Variants in RXRA observed in about 807,000 individuals in gnomAD.
RXRA encodes the protein retinoid X receptor alpha.
RXRA carries 5 observed loss-of-function variants against 44.5 expected under a neutral mutation model. That is an observed-to-expected ratio of 0.11 (90% CI 0.06 to 0.24). RXRA has a LOEUF of 0.24. Among genes scored for constraint, RXRA ranks in the 10% least tolerant of loss-of-function variants. The pLI is 1.00. For missense variants in RXRA, 412 were observed against 646.5 expected (o/e 0.64, Z 3.93); for synonymous variants, 291 against 271.4 (o/e 1.07, Z -0.71).
chr9:134,379,601 C>G, intron 1 of RXRA: 1 of 985,442 alleles, frequency 1.0e-6, no homozygotes, highest in Non-Finnish European at 1.2e-6. Flanking sequence ...CTCCTGTGCT[C>G]CCTGACAGCC....
chr9:134,335,875 T>A (rs1829994192), intron 1 of RXRA, among the ~76,000 whole-genome samples: 1 of 152,158 alleles, frequency 6.6e-6, no homozygotes, highest in Non-Finnish European at 1.5e-5. Context: ...TGCCCTGTGG[T>A]CCTGCCTTGG....
chr9:134,338,936 C>G (rs571518452), intron 1 of RXRA, among the ~76,000 whole-genome samples: 2 of 152,258 alleles, frequency 1.3e-5, no homozygotes, highest in African/African-American at 4.8e-5. Flanking sequence ...GTCTGCCTGG[C>G]CGCCTTTCTG....
At chr9:134,327,846 G>A (rs1834942272) in intron 1 of RXRA, among the ~76,000 whole-genome samples, 1 of 152,142 alleles carries the variant, frequency 6.6e-6, no homozygotes, top group Non-Finnish European at 1.5e-5. Context: ...GGCAGGCGGT[G>A]GGTTCCAGGT....
At chr9:134,353,806 G>A (rs932911896) in intron 1 of RXRA, among the ~76,000 whole-genome samples, 1 of 152,240 alleles carries the variant, frequency 6.6e-6, no homozygotes, top group Admixed American at 6.5e-5. Context: ...CCTGTTGGGT[G>A]TGTACCTGAC....
chr9:134,338,172 C>T lies in RXRA; in HGVS notation c.28+11513C>T, dbSNP rs548679815. ...GTCAGGAGCCCTGACAGAAGACAAG[C>T]ATGTGGTTCTGCTGCACTGTCCCGG... On this transcript the variant is annotated intron_variant, in intron 1 of 9. Transcript: ENST00000481739. 2.0e-3 allele frequency among the ~76,000 whole-genome samples: 310 copies of T among 152,304 alleles called. 1 individual carries two copies. Among genetic ancestry groups the T allele is most frequent in the African/African-American group, 7.1e-3 (297 of 41,570 alleles).
chr9:134,336,811 C>A (rs932058798), intron 1 of RXRA, among the ~76,000 whole-genome samples: 2 of 152,238 alleles, frequency 1.3e-5, no homozygotes, highest in African/African-American at 4.8e-5. Context: ...CGGGTGAGCC[C>A]GTTCCTTGCA....
chr9:134,329,939 AG>A (rs1484723112), intron 1 of RXRA, among the ~76,000 whole-genome samples: 2 of 152,122 alleles, frequency 1.3e-5, no homozygotes, highest in Non-Finnish European at 2.9e-5. Flanking sequence ...TGCATGTGGC[AG>A]GGGGCTCTGG....
chr9:134,338,230 C>T (rs782071301), intron 1 of RXRA, among the ~76,000 whole-genome samples: 8 of 152,222 alleles, frequency 5.3e-5, no homozygotes, highest in African/African-American at 7.2e-5. Context: ...GCTGGTAGCA[C>T]GGGCAGGTGT....
intron 1 of RXRA, among the ~76,000 whole-genome samples, chr9:134,358,912 C>T (rs888531860): frequency 6.6e-6 from 1 of 152,166 alleles, no homozygotes; most frequent in African/African-American, 2.4e-5. Context: ...GAAGGGCAGG[C>T]GGAGCTCTGG....
At chr9:134,408,801 G>A (rs1295104453) in intron 3 of RXRA, 139 bp from the exon 4 acceptor site, 6 of 788,370 alleles carry the variant, frequency 7.6e-6, no homozygotes, top group African/African-American at 1.8e-5. Flanking sequence ...CCCAGTCTGA[G>A]CCCAGGCAGG....
rs531198474 is a variant in RXRA, at chr9:134,433,184, A to G, written c.1136-918A>G. Among the ~76,000 whole-genome samples the G allele has an allele frequency of 6.6e-6, 1 of 152,250 alleles. No individual in the cohort carries two copies. Among genetic ancestry groups the G allele is most frequent in the South Asian group, 2.1e-4 (1 of 4,824 alleles). On this transcript the variant is annotated intron_variant, in intron 8 of 9. Transcript: ENST00000481739. This position sits in a 1 kb window ranked among gnomAD's most constrained non-coding sequence, Gnocchi z 4.2. Reference sequence around the variant, plus strand: ...TGTTTCCAGGGTCATTTTATCACCCAGGCTGTGCATCCGGGCCGTAATCCT... The same window carrying G: ...TGTTTCCAGGGTCATTTTATCACCCGGGCTGTGCATCCGGGCCGTAATCCT...
At chr9:134,346,271 C>T (rs565549589) in intron 1 of RXRA, among the ~76,000 whole-genome samples, 4 of 152,302 alleles carry the variant, frequency 2.6e-5, no homozygotes, top group African/African-American at 4.8e-5. Flanking sequence ...CCTGCCCTCC[C>T]GCGGCTTGCT....
intron 1 of RXRA, among the ~76,000 whole-genome samples, chr9:134,339,912 T>G (rs1830066038): frequency 6.6e-6 from 1 of 152,132 alleles, no homozygotes; most frequent in Non-Finnish European, 1.5e-5. Context: ...TGTCTGTGTG[T>G]GAACCTGTGT....
At chr9:134,380,104 G>T (rs904898960) in intron 1 of RXRA, 1 of 985,332 alleles carries the variant, frequency 1.0e-6, no homozygotes, top group Admixed American at 6.1e-5. Flanking sequence ...CAGTCGTGCC[G>T]CCTGAGGGCC....
At chr9:134,392,336 C>T (rs1475049349) in intron 1 of RXRA, among the ~76,000 whole-genome samples, 1 of 149,984 alleles carries the variant, frequency 6.7e-6, no homozygotes, top group African/African-American at 2.4e-5. Flanking sequence ...GGGGAATGGC[C>T]GTACAGGGGC....
intron 1 of RXRA, among the ~76,000 whole-genome samples, chr9:134,383,404 AG>A (rs1316699411): frequency 2.0e-5 from 3 of 152,048 alleles, no homozygotes; most frequent in African/African-American, 7.3e-5. Flanking sequence ...TGGCTCTGTG[AG>A]GGGCCCTGCA....
At chr9:134,382,855 G>A (rs772999674) in intron 1 of RXRA, among the ~76,000 whole-genome samples, 5 of 152,182 alleles carry the variant, frequency 3.3e-5, no homozygotes, top group Non-Finnish European at 4.4e-5. Flanking sequence ...AGCAGCGTTC[G>A]GCGAGTGTGG....
rs143195202 is a variant in RXRA at position 134,382,108 on chromosome 9, C to T, written c.29-19524C>T. On this transcript the variant is annotated intron_variant, in intron 1 of 9. Transcript: ENST00000481739. The stretch of plus-strand genomic sequence containing the variant: ...CCCTCCCACCCCACCAAGATGCACA[C>T]ATGCCCTGCCAGGATGTGGGGGGGC... Among the ~76,000 whole-genome samples the T allele has an allele frequency of 8.9e-4, 106 of 118,874 alleles. 1 individual carries two copies. The highest frequency in any genetic ancestry group is 2.8e-3 in the African/African-American group (97 of 34,852). The allele number at this position is 118,874 out of a possible 152,430, so 78.0% of individuals were successfully genotyped here. A position where few individuals can be genotyped will look rare whatever the true frequency, so the allele number is the denominator to read the frequency against.
intron 1 of RXRA, among the ~76,000 whole-genome samples, chr9:134,339,991 CTG>C (rs1217448119): frequency 6.6e-6 from 1 of 152,084 alleles, no homozygotes; most frequent in Non-Finnish European, 1.5e-5. Flanking sequence ...GTGTGTTCCT[CTG>C]TGCACATCTG....
Sources: gnomAD v4.1 joint callset for allele counts (sites outside exome capture counted in the v4.1 genomes callset) on GRCh38, gnomAD v4.1.1 for gene constraint, Gnocchi (gnomAD v3.1) non-coding constraint, MANE v1.5 for transcripts, NCBI Gene and HGNC (gene_info 2026-07-23, HGNC 2026-07-21) for gene names.